The following OSMR variants were observed in gnomAD, a reference collection of about 807,000 sequenced individuals.
OSMR encodes oncostatin M receptor.
In OSMR, 81 loss-of-function variants were observed where a neutral mutation model predicts 99.9. That is an observed-to-expected ratio of 0.81 (90% CI 0.68 to 0.97). The LOEUF (loss-of-function observed/expected upper bound fraction) is 0.97. OSMR is among the 50% of genes least tolerant of loss of function. The probability of loss-of-function intolerance (pLI) is 0.00; values close to 1 mark genes in which losing one functional copy is unlikely to be tolerated. For missense variants in OSMR, 1,099 were observed against 1,153.4 expected (o/e 0.95, Z 0.68); for synonymous variants, 406 against 410.4 (o/e 0.99, Z 0.13).
Position 38,881,712 on chromosome 5 carries a change from G to A in OSMR, c.366G>A (p.Lys122=). 6.2e-7 allele frequency: 1 copy of A among 1,614,220 alleles called. No homozygotes were observed. The highest frequency in any genetic ancestry group is 8.5e-7 in the Non-Finnish European group (1 of 1,180,020). Reference sequence around the variant, plus strand: ...TAAAGAGTTTGGTGGACGATGCCAAGTTCCCTGAGCCAAATTTCTGGAGCA... The same window carrying A: ...TAAAGAGTTTGGTGGACGATGCCAAATTCCCTGAGCCAAATTTCTGGAGCA... ...VRIKSLVDDA[K]FPEPNFWSNW... is the part of the protein sequence containing the mutation. Residue 122 remains lysine (K), a synonymous_variant, in exon 4 of 18, where the codon AAG becomes AAA. Coordinates refer to ENST00000274276, the MANE Select transcript of OSMR (RefSeq NM_003999.3).
Position 38,870,576 on chromosome 5 carries a change from G to A in OSMR, c.73+1459G>A, listed in dbSNP as rs1742311252. The stretch of plus-strand genomic sequence containing the variant: ...ATGCAGGTTCAGTTGCTTGCAGCTT[G>A]CAGAGTCCAATTAAAATGAGCAAGG... On this transcript the variant is annotated intron_variant, in intron 2 of 17. Transcript: ENST00000274276. 4.6e-5 allele frequency among the ~76,000 whole-genome samples: 7 copies of A among 152,162 alleles called. No homozygotes were observed. In the South Asian group the frequency reaches 1.5e-3, roughly 32 times the overall value.
intron 9 of OSMR, 44 bp from the exon 10 acceptor site, chr5:38,917,502 A>G: frequency 6.2e-7 from 1 of 1,606,852 alleles, no homozygotes; most frequent in Non-Finnish European, 8.5e-7. Flanking sequence ...ATATTGCTTT[A>G]CATACATATT....
At chr5:38,885,277 A>C in intron 5 of OSMR, 72 bp from the exon 6 acceptor site, 2 of 1,605,632 alleles carry the variant, frequency 1.2e-6, no homozygotes, top group Non-Finnish European at 1.7e-6. Flanking sequence ...TCAGACTCTA[A>C]ACAGAGCTTT....
At chr5:38,939,158 C>A, downstream of OSMR, 1 of 232,946 alleles carries the variant, frequency 4.3e-6, no homozygotes, top group Non-Finnish European at 8.5e-6. Context: ...TAAAAGGCAT[C>A]CTCTGAATGG....
chr5:38,854,646 G>C (rs1740705266), intron 1 of OSMR, among the ~76,000 whole-genome samples: 1 of 152,154 alleles, frequency 6.6e-6, no homozygotes, highest in Non-Finnish European at 1.5e-5. Flanking sequence ...TGAAAGCAAA[G>C]AAGAGAGAAT....
chr5:38,932,162 A>G (rs2112704715), intron 16 of OSMR, among the ~76,000 whole-genome samples, 198 bp downstream of exon 16: 2 of 152,334 alleles, frequency 1.3e-5, no homozygotes, highest in Middle Eastern at 6.8e-3. Context: ...ACTAATCACC[A>G]TTTAAAATAG....
chr5:38,852,718 A>ATTTTTTTTTTTTTTTTTTTTTTTTTTTT (rs61559728), intron 1 of OSMR, among the ~76,000 whole-genome samples: 1 of 70,658 alleles, frequency 1.4e-5, no homozygotes, highest in African/African-American at 5.4e-5. Flanking sequence ...TATTGTTTTC[A>ATTTTTTTTTTTTTTTTTTTTTTTTTTTT]TTTTTTTTTT....
intron 15 of OSMR, among the ~76,000 whole-genome samples, chr5:38,927,202 A>G (rs1472385346): frequency 1.3e-5 from 2 of 152,168 alleles, no homozygotes; most frequent in African/African-American, 4.8e-5. Context: ...TTCTAGGCAC[A>G]TGGTGCAAGC....
chr5:38,853,009 G>C (rs2112043372), intron 1 of OSMR, among the ~76,000 whole-genome samples: 1 of 152,198 alleles, frequency 6.6e-6, no homozygotes, highest in East Asian at 1.9e-4. Flanking sequence ...GGGATTACAG[G>C]CGTGAGCCAC....
At chr5:38,884,204 C>T in intron 5 of OSMR, 93 bp downstream of exon 5, 2 of 1,044,888 alleles carry the variant, frequency 1.9e-6, no homozygotes, top group South Asian at 1.3e-5. Context: ...CATTTCTACC[C>T]ATGATCTTGA....
At chr5:38,927,914 C>T (rs138602427) in intron 15 of OSMR, among the ~76,000 whole-genome samples, 3 of 152,166 alleles carry the variant, frequency 2.0e-5, no homozygotes, top group South Asian at 4.2e-4. Flanking sequence ...TGCCAGATAC[C>T]CTAAATCATC....
At chr5:38,865,738 T>C (rs1328426183) in intron 1 of OSMR, among the ~76,000 whole-genome samples, 1 of 151,732 alleles carries the variant, frequency 6.6e-6, no homozygotes, top group Non-Finnish European at 1.5e-5. Flanking sequence ...TGGGCCTCCA[T>C]GTGGCTTGCT....
intron 9 of OSMR, among the ~76,000 whole-genome samples, chr5:38,917,151 C>T (rs1048187798): frequency 2.6e-5 from 4 of 152,158 alleles, no homozygotes. Flanking sequence ...GCGGGTTCCC[C>T]ATCACTGTGT....
chr5:38,933,167 C>T lies in OSMR; in HGVS notation c.2663C>T (p.Thr888Ile). Residue 888 changes from threonine to isoleucine, a missense_variant, in exon 18 of 18, where the codon ACC becomes ATC. By Grantham distance (89) the Thr-to-Ile change is moderately conservative (BLOSUM62 -1). Transcript: ENST00000274276. ...PKAPSMLGLM[T>I]SPENVLKALE... ...GCCCCAAGTATGCTGGGACTAATGA[C>T]CTCACCTGAAAATGTACTAAAGGCA... The T allele has an allele frequency of 6.2e-7, 1 of 1,614,080 alleles. No homozygotes were observed. The highest frequency in any genetic ancestry group is 8.5e-7 in the Non-Finnish European group (1 of 1,179,992).
downstream of OSMR, chr5:38,940,084 T>C (rs1197897244): frequency 1.4e-5 from 3 of 207,782 alleles, no homozygotes; most frequent in African/African-American, 7.6e-5. Flanking sequence ...GTAAGTGATA[T>C]AGGCAGATAT....
At chr5:38,944,228 AGATAGCTG>A (rs1470204351) in exon 2 of OSMR, 3 of 622,316 alleles carry the variant, frequency 4.8e-6, no homozygotes, top group African/African-American at 3.6e-5. Context: ...GCTTAATAGA[AGATAGCTG>A]GATTCTCATA....
intron 1 of OSMR, among the ~76,000 whole-genome samples, chr5:38,859,788 C>T (rs1417610860): frequency 1.3e-5 from 2 of 152,064 alleles, no homozygotes; most frequent in African/African-American, 4.8e-5. Context: ...AGTTTTCCTT[C>T]AACATCTTTC....
chr5:38,880,998 A>G (rs1399588407), intron 3 of OSMR, among the ~76,000 whole-genome samples: 2 of 152,154 alleles, frequency 1.3e-5, no homozygotes, highest in African/African-American at 4.8e-5. Context: ...AGCCCAAGAG[A>G]TGGAGTGTGG....
intron 1 of OSMR, among the ~76,000 whole-genome samples, chr5:38,866,174 A>G (rs561649416): frequency 6.6e-6 from 1 of 152,288 alleles, no homozygotes; most frequent in African/African-American, 2.4e-5. Flanking sequence ...GTGTGCAGGC[A>G]CTAGTGAGGG....
Sources: gnomAD v4.1 joint callset for allele counts (sites outside exome capture counted in the v4.1 genomes callset) on GRCh38, gnomAD v4.1.1 for gene constraint, MANE v1.5 for transcripts, NCBI Gene and HGNC (gene_info 2026-07-23, HGNC 2026-07-21) for gene names.